Variants in GLMN observed in about 807,000 individuals in gnomAD.
GLMN encodes the protein glomulin.
Under a neutral mutation model 87.8 loss-of-function variants are expected in GLMN, and 75 were observed. The ratio of observed to expected loss-of-function variants is 0.85; its 90% CI spans 0.71 to 1.04. The LOEUF is 1.04. GLMN is among the 50% of genes least tolerant of loss of function. GLMN has a pLI of 0.00. For missense variants in GLMN, 588 were observed against 658.8 expected (o/e 0.89, Z 1.18); for synonymous variants, 206 against 221.6 (o/e 0.93, Z 0.63).
At chr1:92,256,102 T>A (rs1654198712) in intron 16 of GLMN, among the ~76,000 whole-genome samples, 1 of 151,918 alleles carries the variant, frequency 6.6e-6, no homozygotes, top group African/African-American at 2.4e-5. Flanking sequence ...CAAACTACCA[T>A]CAGAGAATAC....
At chr1:92,295,196 G>A (rs1447260728) in intron 3 of GLMN, among the ~76,000 whole-genome samples, 2 of 152,158 alleles carry the variant, frequency 1.3e-5, no homozygotes, top group Admixed American at 6.5e-5. Context: ...CCTCACTGAT[G>A]TGGTGCTGAT....
chr1:92,359,988 A>T, the GLMN span, among the ~76,000 whole-genome samples: 1 of 51,386 alleles, frequency 1.9e-5, no homozygotes, highest in African/African-American at 1.3e-4. Context: ...TGATTCTCAC[A>T]ATTCAGTCTG....
the GLMN span, chr1:92,323,905 A>G: frequency 2.5e-6 from 4 of 1,614,064 alleles, no homozygotes; most frequent in African/African-American, 4.0e-5. Context: ...TCTAGTAGGC[A>G]TAAGTAAGAA....
intron 7 of GLMN, among the ~76,000 whole-genome samples, chr1:92,276,599 T>C (rs1268419322): frequency 6.6e-6 from 1 of 152,118 alleles, no homozygotes; most frequent in African/African-American, 2.4e-5. Context: ...GAGGCAGAGG[T>C]TTCAGTGAGC....
chr1:92,343,773 AAAAG>A, the GLMN span, among the ~76,000 whole-genome samples: 1 of 152,230 alleles, frequency 6.6e-6, no homozygotes, highest in African/African-American at 2.4e-5. Flanking sequence ...GTATGGAAAA[AAAAG>A]AAAAACATAT....
At chr1:92,267,275 G>A (rs1039385613) in intron 11 of GLMN, among the ~76,000 whole-genome samples, 1 of 152,138 alleles carries the variant, frequency 6.6e-6, no homozygotes, top group Admixed American at 6.5e-5. Context: ...ACATAAAGAA[G>A]CTTCATTTTC....
the GLMN span, among the ~76,000 whole-genome samples, chr1:92,360,362 TGC>T: frequency 3.3e-5 from 5 of 152,194 alleles, no homozygotes; most frequent in Non-Finnish European, 5.9e-5. Context: ...TTGCAAAGGC[TGC>T]TATAGTATTA....
chr1:92,302,744 C>A (rs1048653162), upstream of GLMN, among the ~76,000 whole-genome samples: 2 of 151,374 alleles, frequency 1.3e-5, no homozygotes, highest in Non-Finnish European at 1.5e-5. Context: ...TGGGACTGGG[C>A]GCCCACCATT....
chr1:92,304,592 T>C, the GLMN span, among the ~76,000 whole-genome samples: 1 of 152,202 alleles, frequency 6.6e-6, no homozygotes, highest in Non-Finnish European at 1.5e-5. Context: ...AAGTGCATAT[T>C]GGCACAAATC....
chr1:92,280,090 A>T (rs991734647), intron 7 of GLMN, among the ~76,000 whole-genome samples: 4 of 152,242 alleles, frequency 2.6e-5, no homozygotes, highest in Non-Finnish European at 5.9e-5. Flanking sequence ...CCTGTCTGAC[A>T]GCTCTGAAGA....
chr1:92,310,768 A>G, the GLMN span, among the ~76,000 whole-genome samples: 4 of 152,042 alleles, frequency 2.6e-5, no homozygotes, highest in Non-Finnish European at 5.9e-5. Context: ...GTGCTGGAAC[A>G]TGCCTGTAGC....
chr1:92,342,254 C>A, the GLMN span, among the ~76,000 whole-genome samples: 1 of 152,186 alleles, frequency 6.6e-6, no homozygotes, highest in Non-Finnish European at 1.5e-5. Context: ...GGTAAGGGAG[C>A]AAGCTGTGTT....
chr1:92,362,684 T>G, the GLMN span, among the ~76,000 whole-genome samples: 1 of 152,194 alleles, frequency 6.6e-6, no homozygotes, highest in Non-Finnish European at 1.5e-5. Context: ...GACATTACAG[T>G]AATTGAATCT....
upstream of GLMN, chr1:92,299,244 T>C (rs1008422691): frequency 6.4e-6 from 4 of 623,494 alleles, no homozygotes; most frequent in African/African-American, 7.7e-5. Flanking sequence ...AAAGGCTGCT[T>C]CAGGGGAGGG....
the GLMN span, among the ~76,000 whole-genome samples, chr1:92,364,270 C>T: frequency 6.6e-6 from 1 of 152,096 alleles, no homozygotes; most frequent in African/African-American, 2.4e-5. Context: ...CAGATTGCAA[C>T]ATTTATCTCA....
At chr1:92,325,062 T>C in the GLMN span, among the ~76,000 whole-genome samples, 1 of 152,204 alleles carries the variant, frequency 6.6e-6, no homozygotes, top group African/African-American at 2.4e-5. Flanking sequence ...ACATGACATA[T>C]AATTGGTACT....
At chr1:92,302,688 G>A (rs931906329), upstream of GLMN, among the ~76,000 whole-genome samples, 4 of 126,778 alleles carry the variant, frequency 3.2e-5, no homozygotes, top group African/African-American at 6.0e-5. Flanking sequence ...TGCAAGCTCC[G>A]CCTCCCGTGT....
At chr1:92,368,254 C>T in the GLMN span, among the ~76,000 whole-genome samples, 15 of 152,120 alleles carry the variant, frequency 9.9e-5, 1 homozygote, top group Admixed American at 8.5e-4. Flanking sequence ...TGGTGGGCAC[C>T]TGTAATGCCA....
the GLMN span, among the ~76,000 whole-genome samples, chr1:92,370,622 G>A: frequency 6.6e-6 from 1 of 151,768 alleles, no homozygotes; most frequent in Non-Finnish European, 1.5e-5. Flanking sequence ...AAATCATGTA[G>A]GTAGTTTATT....
Sources: gnomAD v4.1 joint callset for allele counts (sites outside exome capture counted in the v4.1 genomes callset) on GRCh38, gnomAD v4.1.1 for gene constraint, MANE v1.5 for transcripts, NCBI Gene and HGNC (gene_info 2026-07-23, HGNC 2026-07-21) for gene names.